The following DLGAP2 variants were observed in gnomAD, a reference collection of about 807,000 sequenced individuals.
DLGAP2 encodes disks large-associated protein 2.
In DLGAP2, 26 loss-of-function variants were observed where a neutral mutation model predicts 100.3. That is an observed-to-expected ratio of 0.26 (90% CI 0.19 to 0.36). DLGAP2 has a LOEUF of 0.36. DLGAP2 is among the 10% of genes least tolerant of loss of function. The probability of loss-of-function intolerance (pLI) is 1.00; values close to 1 mark genes in which losing one functional copy is unlikely to be tolerated. For missense variants in DLGAP2, 1,858 were observed against 1,453.2 expected, an observed-to-expected ratio of 1.28 and a Z score of -4.53; for synonymous variants, 886 against 630.1, an observed-to-expected ratio of 1.41 and a Z score of -6.08.
At chr8:1,595,095 G>A (rs1009524498) in intron 6 of DLGAP2, among the ~76,000 whole-genome samples, 3 of 151,692 alleles carry the variant, frequency 2.0e-5, no homozygotes, top group African/African-American at 4.8e-5. Flanking sequence ...AGGCTGGAGT[G>A]CAGGGCGTCA....
intron 2 of DLGAP2, among the ~76,000 whole-genome samples, chr8:1,065,814 G>A (rs1169408271): frequency 2.6e-5 from 4 of 152,166 alleles, no homozygotes; most frequent in Admixed American, 1.3e-4. Flanking sequence ...CTGTAGGATG[G>A]TCTGTCTGTA....
At chr8:1,412,425 T>A (rs1481481506) in intron 3 of DLGAP2, among the ~76,000 whole-genome samples, 1 of 152,226 alleles carries the variant, frequency 6.6e-6, no homozygotes, top group Non-Finnish European at 1.5e-5. Flanking sequence ...ATATGATTTG[T>A]TACATTGCTA....
chr8:1,335,057 A>G (rs1026553815), intron 3 of DLGAP2, among the ~76,000 whole-genome samples: 3 of 152,216 alleles, frequency 2.0e-5, no homozygotes, highest in Non-Finnish European at 2.9e-5. Context: ...CTAGAAATTC[A>G]GGGCAAACCA....
chr8:1,465,978 G>A (rs1475215893), intron 3 of DLGAP2, among the ~76,000 whole-genome samples: 1 of 152,220 alleles, frequency 6.6e-6, no homozygotes. Context: ...GGAGGTCAGA[G>A]AGAGACTCCC....
chr8:875,229 A>C lies in DLGAP2; in HGVS notation c.19-32683A>C, dbSNP rs80237795. The stretch of plus-strand genomic sequence containing the variant: ...CATGCTTCTTTTGATTATATTATTT[A>C]ATCCATTCACATTTAATATTATCAT... On this transcript the variant is annotated intron_variant, in intron 1 of 14. Coordinates refer to ENST00000637795, the MANE Select transcript of DLGAP2 (RefSeq NM_001346810.2). Among the ~76,000 whole-genome samples the C allele has an allele frequency of 6.0e-4, 92 of 152,260 alleles. 1 individual carries two copies. The East Asian group carries it at 0.014, about 24-fold the overall frequency.
chr8:1,637,920 G>A (rs1797806461), intron 8 of DLGAP2, among the ~76,000 whole-genome samples: 1 of 152,212 alleles, frequency 6.6e-6, no homozygotes, highest in Admixed American at 6.5e-5. Flanking sequence ...AGGAAGAGTT[G>A]AGAGGCTTCA....
At chr8:831,015 C>T (rs1796772276) in intron 1 of DLGAP2, among the ~76,000 whole-genome samples, 1 of 151,640 alleles carries the variant, frequency 6.6e-6, no homozygotes, top group South Asian at 2.1e-4. Context: ...CCTGCCTCAG[C>T]CTCCCAAGTA....
chr8:1,205,014 C>A (rs1175501994), intron 2 of DLGAP2, among the ~76,000 whole-genome samples: 1 of 152,204 alleles, frequency 6.6e-6, no homozygotes, highest in East Asian at 1.9e-4. Context: ...GTCTGTTAAA[C>A]GGAGCCGTAA....
At position 1,183,086 on chromosome 8, in the gene DLGAP2, G is replaced by C. The variant is rs569478337; in HGVS notation, c.74-75765G>C. 9.2e-5 allele frequency among the ~76,000 whole-genome samples: 14 copies of C among 152,266 alleles called. No homozygotes were observed. In the South Asian group the frequency reaches 2.9e-3, roughly 32 times the overall value. On this transcript the variant is annotated intron_variant, in intron 2 of 14. Transcript: ENST00000637795. ...CTGGAGTGCTTTCGGTAAGAGCTGG[G>C]ATGACACAAATGCATTCACGTTCGA...
At chr8:1,198,118 G>A (rs558057947) in intron 2 of DLGAP2, among the ~76,000 whole-genome samples, 14 of 152,192 alleles carry the variant, frequency 9.2e-5, no homozygotes, top group South Asian at 4.2e-4. Flanking sequence ...ACGTGTGTGC[G>A]TGTGTGCGTG....
At chr8:1,296,643 G>A (rs773164253) in intron 3 of DLGAP2, among the ~76,000 whole-genome samples, 2 of 152,190 alleles carry the variant, frequency 1.3e-5, no homozygotes, top group African/African-American at 2.4e-5. Flanking sequence ...CTTACTGGAC[G>A]TGGAATTTTG....
At chr8:1,193,666 G>T (rs1213192646) in intron 2 of DLGAP2, among the ~76,000 whole-genome samples, 1 of 152,200 alleles carries the variant, frequency 6.6e-6, no homozygotes, top group East Asian at 1.9e-4. Flanking sequence ...TTCTGTGAAC[G>T]ATCCCATTGA....
intron 5 of DLGAP2, among the ~76,000 whole-genome samples, chr8:1,556,163 A>G (rs952192769): frequency 6.6e-6 from 1 of 152,230 alleles, no homozygotes; most frequent in Non-Finnish European, 1.5e-5. Flanking sequence ...CATTTATGCC[A>G]TGACGGCCAC....
intron 2 of DLGAP2, among the ~76,000 whole-genome samples, chr8:1,234,471 G>T (rs1798602239): frequency 6.6e-6 from 1 of 152,124 alleles, no homozygotes; most frequent in African/African-American, 2.4e-5. Flanking sequence ...TAGTAATACT[G>T]AATCAGGGCC....
At chr8:1,263,037 C>T (rs181067919) in intron 3 of DLGAP2, among the ~76,000 whole-genome samples, 7 of 152,124 alleles carry the variant, frequency 4.6e-5, no homozygotes, top group East Asian at 3.9e-4. Context: ...ACAGTGTCTT[C>T]GATCTGTGTT....
At chr8:1,407,046 AC>A (rs1165906476) in intron 3 of DLGAP2, among the ~76,000 whole-genome samples, 2 of 15,652 alleles carry the variant, frequency 1.3e-4, no homozygotes, top group Non-Finnish European at 2.0e-4. Context: ...ACTGAGCGCC[AC>A]CTCCTTGTCC....
intron 2 of DLGAP2, among the ~76,000 whole-genome samples, chr8:1,128,943 G>A (rs1417284148): frequency 3.3e-5 from 5 of 152,172 alleles, no homozygotes; most frequent in Non-Finnish European, 5.9e-5. Flanking sequence ...TGGCCGGTGT[G>A]TGTGTCTCAG....
At chr8:1,662,342 T>A (rs1189879883) in intron 8 of DLGAP2, among the ~76,000 whole-genome samples, 2 of 152,342 alleles carry the variant, frequency 1.3e-5, no homozygotes, top group African/African-American at 2.4e-5. Flanking sequence ...CTTTAAAATA[T>A]CTTCTGCCAC....
intron 6 of DLGAP2, among the ~76,000 whole-genome samples, chr8:1,609,212 C>A (rs562361991): frequency 7.0e-6 from 1 of 141,974 alleles, no homozygotes; most frequent in Admixed American, 7.3e-5. Context: ...CCCTACAAGC[C>A]AGAAGAGAGT....
Sources: gnomAD v4.1 joint callset for allele counts (sites outside exome capture counted in the v4.1 genomes callset) on GRCh38, gnomAD v4.1.1 for gene constraint, MANE v1.5 for transcripts, NCBI Gene and HGNC (gene_info 2026-07-23, HGNC 2026-07-21) for gene names.